PDE4D: variants seen among roughly 807,000 people sequenced by gnomAD.
The protein encoded by PDE4D is 3',5'-cyclic-AMP phosphodiesterase 4D.
In PDE4D, 24 loss-of-function variants were observed where a neutral mutation model predicts 87.4. The ratio of observed to expected loss-of-function variants is 0.27; its 90% CI spans 0.20 to 0.39. PDE4D has a LOEUF of 0.39. PDE4D is among the 10% of genes least tolerant of loss of function. The pLI, the probability that PDE4D is intolerant of heterozygous loss-of-function variation, is 1.00. For missense variants in PDE4D, 714 were observed against 1,041.0 expected (o/e 0.69, Z 4.32); for synonymous variants, 384 against 383.2 (o/e 1.00, Z -0.02).
intron 1 of PDE4D, among the ~76,000 whole-genome samples, chr5:59,694,345 A>T (rs1396301156): frequency 6.6e-6 from 1 of 152,110 alleles, no homozygotes; most frequent in Non-Finnish European, 1.5e-5. Flanking sequence ...GCTTGAAGTG[A>T]AGTCAGTAGT....
chr5:59,031,362 G>GATATATATAT (rs137969980), intron 6 of PDE4D, among the ~76,000 whole-genome samples: 1 of 111,886 alleles, frequency 8.9e-6, no homozygotes, highest in Non-Finnish European at 1.7e-5. Context: ...AAGAAAATGT[G>GATATATATAT]ATATATATAT....
intron 1 of PDE4D, among the ~76,000 whole-genome samples, chr5:59,656,442 GTCAAGATATGCTT>G (rs1415256774): frequency 6.6e-6 from 1 of 152,198 alleles, no homozygotes; most frequent in Non-Finnish European, 1.5e-5. Context: ...GGTAAGTGGA[GTCAAGATATGCTT>G]TCAATCTTAT....
At chr5:59,114,428 T>G (rs547881015) in intron 5 of PDE4D, among the ~76,000 whole-genome samples, 11 of 152,330 alleles carry the variant, frequency 7.2e-5, no homozygotes, top group African/African-American at 2.6e-4. Flanking sequence ...AAGCTAAATT[T>G]GGTTTTGGAT....
intron 3 of PDE4D, among the ~76,000 whole-genome samples, chr5:59,961,076 A>G (rs1405478449): frequency 6.6e-6 from 1 of 152,094 alleles, no homozygotes; most frequent in Non-Finnish European, 1.5e-5. Flanking sequence ...CATAACAGAA[A>G]AATTGTAACT....
intron 2 of PDE4D, among the ~76,000 whole-genome samples, chr5:60,121,853 A>T (rs1344680679): frequency 1.3e-5 from 2 of 152,224 alleles, no homozygotes; most frequent in East Asian, 3.8e-4. Context: ...ATCTGAGACA[A>T]GGCAAGTTCC....
chr5:60,415,554 C>T (rs1439668647), intron 1 of PDE4D, among the ~76,000 whole-genome samples: 2 of 152,236 alleles, frequency 1.3e-5, no homozygotes, highest in Non-Finnish European at 2.9e-5. Flanking sequence ...CTGGGAGCGG[C>T]AGGCCGGCCC....
At chr5:59,916,880 T>C (rs1157370078) in intron 3 of PDE4D, among the ~76,000 whole-genome samples, 5 of 151,204 alleles carry the variant, frequency 3.3e-5, no homozygotes, top group South Asian at 2.1e-4. Context: ...CTCCACCTCC[T>C]GGGTTCAAGC....
intron 1 of PDE4D, among the ~76,000 whole-genome samples, chr5:59,531,920 C>T (rs1352278335): frequency 1.3e-5 from 2 of 152,048 alleles, no homozygotes; most frequent in African/African-American, 4.8e-5. Flanking sequence ...TATTATTTTG[C>T]CTATATTCAT....
intron 2 of PDE4D, among the ~76,000 whole-genome samples, chr5:60,103,681 A>T (rs893882166): frequency 1.1e-4 from 16 of 152,374 alleles, no homozygotes; most frequent in African/African-American, 3.8e-4. Flanking sequence ...AACTTTACTT[A>T]AGAGCAAGCT....
At chr5:60,321,521 C>T (rs1393603399) in intron 1 of PDE4D, among the ~76,000 whole-genome samples, 1 of 152,072 alleles carries the variant, frequency 6.6e-6, no homozygotes, top group East Asian at 1.9e-4. Flanking sequence ...AAAGCAATTG[C>T]AACAAAAATA....
intron 1 of PDE4D, among the ~76,000 whole-genome samples, chr5:59,248,181 G>A (rs189285687): frequency 8.2e-4 from 120 of 145,732 alleles, no homozygotes; most frequent in African/African-American, 2.1e-3. Context: ...ATTTGTGAGC[G>A]GATAAGAAAA....
intron 1 of PDE4D, among the ~76,000 whole-genome samples, chr5:59,730,739 A>T (rs956087184): frequency 1.3e-5 from 2 of 152,120 alleles, no homozygotes; most frequent in African/African-American, 4.8e-5. Flanking sequence ...GAGGTTGCAG[A>T]TCAATTATTG....
In PDE4D at chr5:60,102,010, G is replaced by A. The variant is rs979082507; in HGVS notation, c.42+83547C>T. On this transcript the variant is annotated intron_variant, in intron 2 of 16. Transcript: ENST00000502484. ...TATACATAGTCAGTCCAAGAAAATC[G>A]GGAGACCTCAATTGAGTTTGGAGTC... is the stretch of plus-strand genomic sequence containing the variant. 5.3e-4 allele frequency among the ~76,000 whole-genome samples: 81 copies of A among 152,130 alleles called. 1 individual carries two copies. The highest frequency in any genetic ancestry group is 1.7e-3 in the African/African-American group (71 of 41,520).
chr5:59,141,736 G>A (rs1356628283), intron 5 of PDE4D, among the ~76,000 whole-genome samples: 1 of 152,204 alleles, frequency 6.6e-6, no homozygotes, highest in Non-Finnish European at 1.5e-5. Context: ...ACGATGTTGT[G>A]GACATCGGCA....
chr5:59,076,900 C>G (rs1561441528), intron 5 of PDE4D, among the ~76,000 whole-genome samples: 1 of 152,108 alleles, frequency 6.6e-6, no homozygotes, highest in Non-Finnish European at 1.5e-5. Context: ...ATAAAAGATA[C>G]CACAATTCAA....
At chr5:59,939,462 G>A (rs1211388184) in intron 3 of PDE4D, among the ~76,000 whole-genome samples, 1 of 152,124 alleles carries the variant, frequency 6.6e-6, no homozygotes, top group Non-Finnish European at 1.5e-5. Flanking sequence ...TAGTGAGGAA[G>A]ATAAATGCAC....
chr5:60,066,464 G>A (rs1772104893), intron 2 of PDE4D, among the ~76,000 whole-genome samples: 1 of 151,986 alleles, frequency 6.6e-6, no homozygotes, highest in Admixed American at 6.6e-5. Flanking sequence ...ATTGCAACAA[G>A]GTACACTATT....
intron 1 of PDE4D, among the ~76,000 whole-genome samples, chr5:60,279,642 T>C (rs1047803928): frequency 6.6e-6 from 1 of 152,030 alleles, no homozygotes; most frequent in Non-Finnish European, 1.5e-5. Flanking sequence ...AGAATGTTTT[T>C]GCTTACCATG....
At chr5:59,892,717 AG>A (rs1365911085) in intron 1 of PDE4D, among the ~76,000 whole-genome samples, 1 of 152,066 alleles carries the variant, frequency 6.6e-6, no homozygotes, top group Non-Finnish European at 1.5e-5. Context: ...TCTTCCCAAT[AG>A]GGTGAGTGGA....
Sources: gnomAD v4.1 joint callset for allele counts (sites outside exome capture counted in the v4.1 genomes callset) on GRCh38, gnomAD v4.1.1 for gene constraint, MANE v1.5 for transcripts, NCBI Gene and HGNC (gene_info 2026-07-23, HGNC 2026-07-21) for gene names.